Variants in NDUFAF2 observed in about 807,000 individuals in gnomAD.
NDUFAF2 encodes the protein NADH:ubiquinone oxidoreductase complex assembly factor 2, also known as NADH dehydrogenase [ubiquinone] 1 alpha subcomplex assembly factor 2.
Under a neutral mutation model 22.8 loss-of-function variants are expected in NDUFAF2, and 13 were observed. The observed-to-expected ratio is 0.57, with a 90% confidence interval of 0.37 to 0.91. NDUFAF2 has a LOEUF of 0.91. Ranked by LOEUF, NDUFAF2 falls within the 40% of genes least tolerant of loss-of-function variation. The pLI is 0.01. For missense variants in NDUFAF2, 162 were observed against 195.2 expected, an observed-to-expected ratio of 0.83 and a Z score of 1.01; for synonymous variants, 53 against 64.2, an observed-to-expected ratio of 0.83 and a Z score of 0.84.
intron 2 of NDUFAF2, among the ~76,000 whole-genome samples, chr5:61,097,538 G>T (rs1172941760): frequency 6.6e-6 from 1 of 152,150 alleles, no homozygotes; most frequent in South Asian, 2.1e-4. Context: ...AATGAATAAG[G>T]CTGGCTGTTA....
At chr5:61,029,164 C>T (rs960719395) in intron 1 of NDUFAF2, among the ~76,000 whole-genome samples, 1 of 152,048 alleles carries the variant, frequency 6.6e-6, no homozygotes, top group Admixed American at 6.6e-5. Context: ...ACTTTCAAAA[C>T]CAAATGTATC....
At chr5:60,973,990 A>G (rs995303156) in intron 1 of NDUFAF2, among the ~76,000 whole-genome samples, 2 of 152,156 alleles carry the variant, frequency 1.3e-5, no homozygotes, top group Non-Finnish European at 2.9e-5. Context: ...TTTTGGGTAG[A>G]GACAGGGTGT....
chr5:61,017,550 C>G (rs1751528084), intron 1 of NDUFAF2, among the ~76,000 whole-genome samples: 1 of 152,032 alleles, frequency 6.6e-6, no homozygotes, highest in East Asian at 1.9e-4. Context: ...CTTGCACCAG[C>G]CCGTTAGAAC....
intron 1 of NDUFAF2, among the ~76,000 whole-genome samples, chr5:60,985,179 C>A (rs557464486): frequency 1.3e-5 from 2 of 152,154 alleles, no homozygotes; most frequent in African/African-American, 4.8e-5. Flanking sequence ...AGTTTATTTT[C>A]GTAGAGGTGT....
intron 1 of NDUFAF2, among the ~76,000 whole-genome samples, chr5:61,031,184 C>CT (rs1210953228): frequency 1.3e-5 from 2 of 152,004 alleles, no homozygotes; most frequent in Middle Eastern, 3.2e-3. Flanking sequence ...AATTATTATA[C>CT]TTTGAGTTTT....
rs1239572655 is a variant in NDUFAF2, at chr5:61,045,190, G to A, written c.128-27935G>A. On this transcript the variant is annotated intron_variant, in intron 1 of 3. Coordinates refer to ENST00000296597, the MANE Select transcript of NDUFAF2 (RefSeq NM_174889.5). ...TTAAATTTTAATAAAATAAAATAAA[G>A]TTTTATTAAATTTTAATAAAATAAA... Among the ~76,000 whole-genome samples, 28 of 47,006 alleles carry A rather than the reference G, an allele frequency of 6.0e-4. 1 individual carries two copies. The highest frequency in any genetic ancestry group is 0.013 in the Middle Eastern group (1 of 76). The allele number at this position is 47,006 out of a possible 152,430, so 30.8% of individuals were successfully genotyped here.
chr5:61,028,894 C>T (rs1351995344), intron 1 of NDUFAF2, among the ~76,000 whole-genome samples: 2 of 152,006 alleles, frequency 1.3e-5, no homozygotes, highest in African/African-American at 2.4e-5. Context: ...TTATCTCTGA[C>T]GGTTTTTAAT....
chr5:61,056,516 T>C (rs1752092882), intron 1 of NDUFAF2, among the ~76,000 whole-genome samples: 1 of 152,164 alleles, frequency 6.6e-6, no homozygotes, highest in Non-Finnish European at 1.5e-5. Flanking sequence ...AAAGATAAAA[T>C]TCATGTCATC....
intron 1 of NDUFAF2, among the ~76,000 whole-genome samples, chr5:60,962,716 C>T (rs1021350812): frequency 1.3e-5 from 2 of 151,226 alleles, no homozygotes; most frequent in African/African-American, 2.4e-5. Context: ...GCCTGTAGTC[C>T]CAGCTACTTT....
At chr5:61,090,763 T>C (rs1322857913) in intron 2 of NDUFAF2, among the ~76,000 whole-genome samples, 2 of 152,106 alleles carry the variant, frequency 1.3e-5, no homozygotes, top group Non-Finnish European at 2.9e-5. Flanking sequence ...GAGATTTTGA[T>C]GTGCAGATTA....
intron 1 of NDUFAF2, among the ~76,000 whole-genome samples, chr5:60,964,492 C>T (rs903971280): frequency 6.6e-6 from 1 of 151,140 alleles, no homozygotes; most frequent in African/African-American, 2.4e-5. Flanking sequence ...ACTCTGTTGC[C>T]CCGGCTGGAA....
intron 2 of NDUFAF2, among the ~76,000 whole-genome samples, chr5:61,082,659 A>T (rs559155561): frequency 6.6e-6 from 1 of 152,258 alleles, no homozygotes; most frequent in South Asian, 2.1e-4. Flanking sequence ...ACTTCAGATT[A>T]TGGCCTCCTG....
chr5:61,094,272 A>G (rs769810865), intron 2 of NDUFAF2, among the ~76,000 whole-genome samples: 5 of 152,064 alleles, frequency 3.3e-5, no homozygotes, highest in Non-Finnish European at 5.9e-5. Flanking sequence ...AACTTGGTCT[A>G]TTCTGTTATT....
chr5:60,999,355 A>G (rs1193289535), intron 1 of NDUFAF2, among the ~76,000 whole-genome samples: 4 of 152,164 alleles, frequency 2.6e-5, no homozygotes, highest in African/African-American at 9.6e-5. Context: ...AAAATATGGT[A>G]TATACATACA....
At chr5:60,947,305 G>T (rs552322267) in intron 1 of NDUFAF2, among the ~76,000 whole-genome samples, 1 of 152,200 alleles carries the variant, frequency 6.6e-6, no homozygotes, top group South Asian at 2.1e-4. Context: ...ATTTTTGGGT[G>T]TGTTTTTATT....
At chr5:61,082,436 T>A (rs1398639105) in intron 2 of NDUFAF2, among the ~76,000 whole-genome samples, 5 of 152,142 alleles carry the variant, frequency 3.3e-5, no homozygotes, top group Non-Finnish European at 5.9e-5. Context: ...TTTTAAATTT[T>A]AGATTCAGGG....
chr5:61,099,475 C>T (rs1023203815), intron 3 of NDUFAF2, among the ~76,000 whole-genome samples: 3 of 150,834 alleles, frequency 2.0e-5, no homozygotes, highest in Non-Finnish European at 4.4e-5. Flanking sequence ...TTAAATCCAT[C>T]AAGTATCCAA....
intron 1 of NDUFAF2, among the ~76,000 whole-genome samples, chr5:61,056,922 ATATATATATATATATATAT>A (rs1173130558): frequency 4.7e-5 from 2 of 42,508 alleles, no homozygotes; most frequent in African/African-American, 1.2e-4. Context: ...AAAAAAAAAT[ATATATATATATATATATAT>A]ATATATATAT....
intron 2 of NDUFAF2, among the ~76,000 whole-genome samples, chr5:61,089,965 T>G (rs1752547162): frequency 6.6e-6 from 1 of 151,912 alleles, no homozygotes; most frequent in Non-Finnish European, 1.5e-5. Context: ...TATAGACTCA[T>G]CAGTAGGGCA....
Sources: allele counts gnomAD v4.1 joint callset (sites outside exome capture counted in the v4.1 genomes callset), GRCh38; gene constraint gnomAD v4.1.1; transcripts MANE v1.5; gene names NCBI Gene and HGNC (gene_info 2026-07-23, HGNC 2026-07-21).